Variants in DLGAP2 observed in about 807,000 individuals in gnomAD.
DLGAP2 encodes DLG associated protein 2, also known as disks large-associated protein 2.
Under a neutral mutation model 100.3 loss-of-function variants are expected in DLGAP2, and 26 were observed. That is an observed-to-expected ratio of 0.26 (90% CI 0.19 to 0.36). The LOEUF is 0.36. Among genes scored for constraint, DLGAP2 ranks in the 10% least tolerant of loss-of-function variants. The pLI is 1.00. For missense variants in DLGAP2, 1,858 were observed against 1,453.2 expected (o/e 1.28, Z -4.53); for synonymous variants, 886 against 630.1 (o/e 1.41, Z -6.08).
intron 3 of DLGAP2, among the ~76,000 whole-genome samples, chr8:1,452,240 G>C (rs1005222139): frequency 6.6e-6 from 1 of 152,120 alleles, no homozygotes; most frequent in African/African-American, 2.4e-5. Flanking sequence ...CTGTGGCTGC[G>C]TGTTCTGTGG....
intron 3 of DLGAP2, among the ~76,000 whole-genome samples, chr8:1,334,241 C>T (rs1410218755): frequency 2.6e-5 from 4 of 152,230 alleles, no homozygotes; most frequent in Non-Finnish European, 5.9e-5. Context: ...CACACCTGAG[C>T]TGGTTAAGCT....
At chr8:1,146,149 G>C (rs1305517420) in intron 2 of DLGAP2, among the ~76,000 whole-genome samples, 1 of 152,158 alleles carries the variant, frequency 6.6e-6, no homozygotes, top group African/African-American at 2.4e-5. Flanking sequence ...CTGCAGCCAC[G>C]AGGGTGTCAG....
At chr8:1,621,649 G>C (rs538793824) in intron 6 of DLGAP2, 45 of 152,474 alleles carry the variant, frequency 3.0e-4, no homozygotes, top group African/African-American at 9.9e-4. Context: ...TCACCAGCTG[G>C]AGCGGGGTCA....
chr8:756,304 G>A (rs13256602), intron 1 of DLGAP2, among the ~76,000 whole-genome samples: 1 of 152,116 alleles, frequency 6.6e-6, no homozygotes, highest in South Asian at 2.1e-4. Context: ...ATAGGGAGCA[G>A]GTGTGGGCAG....
At chr8:1,201,388 G>C (rs1222365979) in intron 2 of DLGAP2, among the ~76,000 whole-genome samples, 1 of 152,192 alleles carries the variant, frequency 6.6e-6, no homozygotes, top group East Asian at 1.9e-4. Context: ...TCCTCGGGAA[G>C]GGACGGCCTT....
At chr8:1,192,857 G>A (rs1563243961) in intron 2 of DLGAP2, among the ~76,000 whole-genome samples, 1 of 151,026 alleles carries the variant, frequency 6.6e-6, no homozygotes, top group South Asian at 2.1e-4. Flanking sequence ...GGTGTGTGAT[G>A]CTCCCCTTCC....
chr8:1,409,247 G>T (rs945307942), intron 3 of DLGAP2, among the ~76,000 whole-genome samples: 1 of 150,286 alleles, frequency 6.7e-6, no homozygotes, highest in Non-Finnish European at 1.5e-5. Context: ...CCCCTTGGCA[G>T]CCCTGGCCCT....
chr8:1,446,734 T>A (rs1797994907), intron 3 of DLGAP2, among the ~76,000 whole-genome samples: 1 of 152,228 alleles, frequency 6.6e-6, no homozygotes, highest in Non-Finnish European at 1.5e-5. Flanking sequence ...TCATGGAATG[T>A]TGTTTCATTT....
intron 2 of DLGAP2, among the ~76,000 whole-genome samples, chr8:1,125,624 TTA>T (rs1226366990): frequency 1.3e-5 from 2 of 152,258 alleles, no homozygotes; most frequent in Non-Finnish European, 2.9e-5. Flanking sequence ...ATTTATGTTT[TTA>T]TGTTTTATTA....
At chr8:1,109,050 G>T (rs1387912426) in intron 2 of DLGAP2, among the ~76,000 whole-genome samples, 2 of 142,564 alleles carry the variant, frequency 1.4e-5, no homozygotes, top group East Asian at 4.6e-4. Context: ...GTGTGCATGT[G>T]CCTATGAAGT....
At chr8:1,098,572 A>G (rs1804467760) in intron 2 of DLGAP2, among the ~76,000 whole-genome samples, 1 of 151,170 alleles carries the variant, frequency 6.6e-6, no homozygotes, top group South Asian at 2.1e-4. Context: ...ATGGCCACCC[A>G]CAGACGCCGC....
At chr8:932,892 T>G (rs1173146198) in intron 2 of DLGAP2, among the ~76,000 whole-genome samples, 3 of 152,232 alleles carry the variant, frequency 2.0e-5, no homozygotes, top group African/African-American at 7.2e-5. Flanking sequence ...CATTTCACAT[T>G]CCTGATTGAA....
chr8:1,510,506 G>T (rs75063762), intron 4 of DLGAP2, among the ~76,000 whole-genome samples: 2 of 152,228 alleles, frequency 1.3e-5, no homozygotes, highest in Non-Finnish European at 2.9e-5. Context: ...AGGTCCAAGG[G>T]TTGAACACGA....
intron 2 of DLGAP2, among the ~76,000 whole-genome samples, chr8:1,193,250 C>T (rs6558421): frequency 0.28 from 42,565 of 152,028 alleles, 6,726 homozygotes; most frequent in African/African-American, 0.43. Flanking sequence ...ATCGCCACAC[C>T]GTCTTCCACA....
At chr8:1,069,357 A>T (rs551697896) in intron 2 of DLGAP2, among the ~76,000 whole-genome samples, 2 of 152,104 alleles carry the variant, frequency 1.3e-5, no homozygotes, top group African/African-American at 2.4e-5. Context: ...GGTCGCGAGG[A>T]CACCAGGTCT....
chr8:921,901 C>T (rs555816175), intron 2 of DLGAP2, among the ~76,000 whole-genome samples: 54 of 152,352 alleles, frequency 3.5e-4, no homozygotes, highest in African/African-American at 1.2e-3. Flanking sequence ...GCGAGACGTT[C>T]GGGCAGAAGA....
In DLGAP2 at chr8:1,626,869, G is replaced by A. The variant is rs1398268276; in HGVS notation, c.1572G>A (p.Gln524=). The change falls in exon 7 of 15, where the codon CAG becomes CAA. Residue 524 remains glutamine, a synonymous_variant. Coordinates refer to ENST00000637795, the MANE Select transcript of DLGAP2 (RefSeq NM_001346810.2). ...SYMRAVSTLS[Q]ASCVSQVSEA... ...TGAGGGCCGTCAGCACCCTGAGCCA[G>A]GCCAGCTGCGTGAGCCAGGTCAGGG... is the stretch of plus-strand genomic sequence containing the variant. 6.2e-7 allele frequency: 1 copy of A among 1,604,052 alleles called. No individual in the cohort carries two copies. Among genetic ancestry groups the A allele is most frequent in the Non-Finnish European group, 8.5e-7 (1 of 1,175,550 alleles).
chr8:1,378,340 C>T (rs1310967893), intron 3 of DLGAP2, among the ~76,000 whole-genome samples: 1 of 151,732 alleles, frequency 6.6e-6, no homozygotes, highest in Non-Finnish European at 1.5e-5. Flanking sequence ...GTCCTGCACA[C>T]ACCTGACCTC....
chr8:1,167,843 G>T (rs1008598488), intron 2 of DLGAP2, among the ~76,000 whole-genome samples: 8 of 152,020 alleles, frequency 5.3e-5, no homozygotes, highest in Admixed American at 2.6e-4. Context: ...TTCAGTAGAG[G>T]GATGTAGACA....
Sources: allele counts gnomAD v4.1 joint callset (sites outside exome capture counted in the v4.1 genomes callset), GRCh38; gene constraint gnomAD v4.1.1; transcripts MANE v1.5; gene names NCBI Gene and HGNC (gene_info 2026-07-23, HGNC 2026-07-21).